CACNA2D1: variants seen among roughly 807,000 people sequenced by gnomAD.
The protein encoded by CACNA2D1 is voltage-dependent calcium channel subunit alpha-2/delta-1.
A neutral mutation model predicts 171.5 loss-of-function variants in CACNA2D1; 53 were observed. The observed-to-expected ratio is 0.31, with a 90% CI of 0.25 to 0.39. The LOEUF is 0.39. Among genes scored for constraint, CACNA2D1 ranks in the 10% least tolerant of loss-of-function variants. CACNA2D1 has a pLI of 1.00. For missense variants in CACNA2D1, 903 were observed against 1,299.8 expected (o/e 0.69, Z 4.69); for synonymous variants, 442 against 443.1 (o/e 1.00, Z 0.03).
At chr7:82,380,188 T>TGAGTA (rs2129449216) in intron 1 of CACNA2D1, among the ~76,000 whole-genome samples, 1 of 152,274 alleles carries the variant, frequency 6.6e-6, no homozygotes, top group African/African-American at 2.4e-5. Context: ...AATCTCAAAT[T>TGAGTA]TTCTCACCTC....
At chr7:82,409,118 A>T (rs1322902423) in intron 1 of CACNA2D1, among the ~76,000 whole-genome samples, 1 of 152,160 alleles carries the variant, frequency 6.6e-6, no homozygotes, top group Admixed American at 6.6e-5. Context: ...TATATCTATA[A>T]GTTCCCCAGC....
intron 3 of CACNA2D1, among the ~76,000 whole-genome samples, chr7:82,303,827 C>G (rs1320250143): frequency 1.3e-5 from 2 of 152,052 alleles, no homozygotes; most frequent in Non-Finnish European, 2.9e-5. Flanking sequence ...AAGGCCAGGA[C>G]CTTAAAAACA....
intron 3 of CACNA2D1, among the ~76,000 whole-genome samples, chr7:82,236,398 T>C (rs1803593378): frequency 6.6e-6 from 1 of 152,050 alleles, no homozygotes; most frequent in Non-Finnish European, 1.5e-5. Flanking sequence ...GGCATCTGTA[T>C]TCCAAACTGA....
intron 3 of CACNA2D1, among the ~76,000 whole-genome samples, chr7:82,323,920 A>C (rs1816309235): frequency 6.6e-6 from 1 of 152,164 alleles, no homozygotes; most frequent in African/African-American, 2.4e-5. Context: ...CTCTACCATT[A>C]ATTGTGCTTT....
At chr7:82,233,609 A>T (rs972311729) in intron 3 of CACNA2D1, among the ~76,000 whole-genome samples, 3 of 152,140 alleles carry the variant, frequency 2.0e-5, no homozygotes, top group African/African-American at 7.2e-5. Flanking sequence ...GAAAATAGTA[A>T]TATCAAATTG....
At chr7:82,299,731 T>C (rs1210510104) in intron 3 of CACNA2D1, among the ~76,000 whole-genome samples, 1 of 152,044 alleles carries the variant, frequency 6.6e-6, no homozygotes, top group Non-Finnish European at 1.5e-5. Flanking sequence ...CTATCACATC[T>C]TTCAAACTTC....
intron 12 of CACNA2D1, among the ~76,000 whole-genome samples, chr7:82,016,617 C>G (rs1261925903): frequency 3.3e-5 from 4 of 122,100 alleles, no homozygotes; most frequent in African/African-American, 8.9e-5. Flanking sequence ...CCCGCCCCCC[C>G]CCCCCAAAAA....
chr7:82,417,229 T>G (rs2129456394), intron 1 of CACNA2D1, among the ~76,000 whole-genome samples: 1 of 152,298 alleles, frequency 6.6e-6, no homozygotes, highest in Non-Finnish European at 1.5e-5. Context: ...TTGTCTGACC[T>G]GAACAGTTTT....
At chr7:82,323,764 A>G (rs1276326980) in intron 3 of CACNA2D1, among the ~76,000 whole-genome samples, 1 of 152,186 alleles carries the variant, frequency 6.6e-6, no homozygotes, top group African/African-American at 2.4e-5. Flanking sequence ...TTACCAGAAC[A>G]TAAATTTTAC....
intron 28 of CACNA2D1, among the ~76,000 whole-genome samples, 188 bp downstream of exon 28, chr7:81,969,693 G>A (rs1209947336): frequency 1.3e-5 from 2 of 151,142 alleles, no homozygotes; most frequent in Non-Finnish European, 3.0e-5. Flanking sequence ...TGCTGTGTAT[G>A]CATTTTGCTT....
At chr7:82,251,120 T>G (rs1805578230) in intron 3 of CACNA2D1, among the ~76,000 whole-genome samples, 1 of 152,282 alleles carries the variant, frequency 6.6e-6, no homozygotes, top group East Asian at 1.9e-4. Flanking sequence ...TCTCATACTC[T>G]CCTGTATCTC....
At chr7:82,119,591 T>C (rs1428199540) in intron 5 of CACNA2D1, among the ~76,000 whole-genome samples, 1 of 152,198 alleles carries the variant, frequency 6.6e-6, no homozygotes, top group Non-Finnish European at 1.5e-5. Context: ...TTTGTTCTTT[T>C]TCATGTTAAC....
chr7:82,017,255 T>C (rs982032783), intron 12 of CACNA2D1, among the ~76,000 whole-genome samples: 19 of 152,230 alleles, frequency 1.2e-4, no homozygotes, highest in East Asian at 7.7e-4. Flanking sequence ...TTAGGATCTA[T>C]TGTAGTGCCT....
chr7:81,978,720 C>T (rs950132737), intron 24 of CACNA2D1, among the ~76,000 whole-genome samples: 2 of 147,628 alleles, frequency 1.4e-5, no homozygotes, highest in African/African-American at 5.1e-5. Flanking sequence ...GCACATGTAT[C>T]CCAGAAGTTA....
chr7:82,252,885 G>A (rs372113579), intron 3 of CACNA2D1, among the ~76,000 whole-genome samples: 4 of 151,196 alleles, frequency 2.6e-5, no homozygotes, highest in East Asian at 3.9e-4. Context: ...GTGAGAATTC[G>A]TCAGAAAAAA....
At chr7:82,139,249 T>C (rs1293871914) in intron 4 of CACNA2D1, among the ~76,000 whole-genome samples, 1 of 152,148 alleles carries the variant, frequency 6.6e-6, no homozygotes, top group African/African-American at 2.4e-5. Flanking sequence ...TTCCTAGTAA[T>C]AAAATATAAA....
chr7:81,957,129 G>GTAAATAAATTGAGATA (rs1382193562), intron 38 of CACNA2D1, among the ~76,000 whole-genome samples: 1 of 152,030 alleles, frequency 6.6e-6, no homozygotes, highest in Non-Finnish European at 1.5e-5. Flanking sequence ...AGCATCTTTT[G>GTAAATAAATTGAGATA]TAAATAAATT....
chr7:82,041,043 C>T (rs111448279), intron 10 of CACNA2D1, among the ~76,000 whole-genome samples: 4,988 of 54,532 alleles, frequency 0.091, 279 homozygotes, highest in African/African-American at 0.25. Context: ...ATGTAGGCAG[C>T]CTTGGGTTGG....
At chr7:82,387,754 T>A (rs1297595392) in intron 1 of CACNA2D1, among the ~76,000 whole-genome samples, 1 of 152,146 alleles carries the variant, frequency 6.6e-6, no homozygotes, top group African/African-American at 2.4e-5. Flanking sequence ...AGCTTAAGTG[T>A]TCAGGTTCAC....
Sources: gnomAD v4.1 joint callset for allele counts (sites outside exome capture counted in the v4.1 genomes callset) on GRCh38, gnomAD v4.1.1 for gene constraint, MANE v1.5 for transcripts, NCBI Gene and HGNC (gene_info 2026-07-23, HGNC 2026-07-21) for gene names.